The following EYS variants were observed in gnomAD, a reference collection of about 807,000 sequenced individuals.
EYS encodes the protein EGF-like photoreceptor maintenance factor.
Under a neutral mutation model 282.1 loss-of-function variants are expected in EYS, and 250 were observed. That is an observed-to-expected ratio of 0.89 (90% CI 0.80 to 0.98). The LOEUF is 0.98. Among genes scored for constraint, EYS ranks in the 50% least tolerant of loss-of-function variants. The pLI, the probability that EYS is intolerant of heterozygous loss-of-function variation, is 0.00. For missense variants in EYS, 4,016 were observed against 3,709.0 expected (o/e 1.08, Z -2.15); for synonymous variants, 1,355 against 1,282.9 (o/e 1.06, Z -1.20).
intron 35 of EYS, among the ~76,000 whole-genome samples, chr6:63,878,934 C>T (rs570825915): frequency 3.9e-5 from 6 of 152,306 alleles, no homozygotes; most frequent in South Asian, 4.1e-4. Flanking sequence ...CTGGGTGAGA[C>T]GATGCCCTGC....
At chr6:65,512,004 A>AG (rs201609464) in intron 2 of EYS, among the ~76,000 whole-genome samples, 1 of 138,428 alleles carries the variant, frequency 7.2e-6, no homozygotes, top group African/African-American at 2.6e-5. Flanking sequence ...AAAAAAAAAA[A>AG]AAAAGAAATC....
At chr6:63,814,171 C>T (rs1429834481) in intron 36 of EYS, among the ~76,000 whole-genome samples, 2 of 152,180 alleles carry the variant, frequency 1.3e-5, no homozygotes, top group Non-Finnish European at 2.9e-5. Flanking sequence ...AATACACTTT[C>T]ACACTGTTCA....
intron 30 of EYS, among the ~76,000 whole-genome samples, chr6:64,240,103 A>T (rs992329059): frequency 6.6e-6 from 1 of 152,014 alleles, no homozygotes; most frequent in African/African-American, 2.4e-5. Flanking sequence ...GTTCTGTTCC[A>T]TTGGTCTATA....
intron 30 of EYS, among the ~76,000 whole-genome samples, chr6:64,304,138 G>A (rs927716545): frequency 6.6e-6 from 1 of 152,092 alleles, no homozygotes; most frequent in Non-Finnish European, 1.5e-5. Flanking sequence ...TTTTGAGGCC[G>A]ATGCTGCAGA....
intron 24 of EYS, among the ~76,000 whole-genome samples, chr6:64,608,055 ACT>A: frequency 6.6e-6 from 1 of 152,186 alleles, no homozygotes; most frequent in Non-Finnish European, 1.5e-5. Flanking sequence ...ATTTTAAATC[ACT>A]CTAAATATTA....
At chr6:63,871,322 A>T (rs1772798190) in intron 35 of EYS, among the ~76,000 whole-genome samples, 1 of 152,136 alleles carries the variant, frequency 6.6e-6, no homozygotes, top group East Asian at 1.9e-4. Context: ...TCTGGGGAAA[A>T]TGTCTGGAGA....
At chr6:64,913,102 G>A (rs938839406) in intron 15 of EYS, among the ~76,000 whole-genome samples, 1 of 151,998 alleles carries the variant, frequency 6.6e-6, no homozygotes, top group African/African-American at 2.4e-5. Context: ...CTATTTATAA[G>A]CCTTAAATGC....
chr6:64,439,384 T>C (rs909420208), intron 26 of EYS, 32 bp from the exon 27 acceptor site: 8 of 1,373,592 alleles, frequency 5.8e-6, no homozygotes, highest in African/African-American at 1.5e-5. Flanking sequence ...ACAATTTAGG[T>C]TGAAATAAAT....
intron 18 of EYS, among the ~76,000 whole-genome samples, chr6:64,897,101 C>T (rs1767499554): frequency 6.6e-6 from 1 of 152,192 alleles, no homozygotes; most frequent in Admixed American, 6.5e-5. Context: ...AGTGCTCAAG[C>T]TCTGCTAAGG....
chr6:65,453,141 C>T (rs761760525), intron 5 of EYS, among the ~76,000 whole-genome samples: 3 of 151,934 alleles, frequency 2.0e-5, no homozygotes, highest in Non-Finnish European at 2.9e-5. Context: ...TATGTATGGG[C>T]AGGTTTATTG....
intron 22 of EYS, among the ~76,000 whole-genome samples, chr6:64,675,432 T>TTTTTTC (rs1769621210): frequency 7.1e-6 from 1 of 140,974 alleles, no homozygotes; most frequent in East Asian, 2.0e-4. Flanking sequence ...TTTTTTCTTT[T>TTTTTTC]TTTTTTTTTT....
chr6:65,280,060 T>C lies in EYS; in HGVS notation c.2023+15803A>G, dbSNP rs191801043. 2.6e-3 allele frequency among the ~76,000 whole-genome samples: 397 copies of C among 152,282 alleles called. 1 individual carries two copies. The highest frequency in any genetic ancestry group is 9.2e-3 in the African/African-American group (382 of 41,552). On this transcript the variant is annotated intron_variant, in intron 12 of 42. Transcript: ENST00000503581. ...TTGTGGTATCCTCTTATAAAGTCAC[T>C]TAATAAAGTACTGGATAAAAGAAGT...
intron 36 of EYS, among the ~76,000 whole-genome samples, chr6:63,845,984 C>T (rs921156451): frequency 1.3e-5 from 2 of 152,074 alleles, no homozygotes; most frequent in African/African-American, 2.4e-5. Flanking sequence ...CCTAAAGATG[C>T]ACTTTTCTCA....
rs576271557 is a variant in EYS, at chr6:64,027,252, G to C, written c.6726-28069C>G. ...TAAGGAGAATTAGAAAAAAGACCATGAATTATTCAATAATGTCCACCATAA... is the reference window on the plus strand; with the variant it reads ...TAAGGAGAATTAGAAAAAAGACCATCAATTATTCAATAATGTCCACCATAA... On this transcript the variant is annotated intron_variant, in intron 33 of 42. Coordinates refer to ENST00000503581, the MANE Select transcript of EYS (RefSeq NM_001142800.2). Among the ~76,000 whole-genome samples, 53 of 152,258 alleles carry C rather than the reference G, an allele frequency of 3.5e-4. 1 individual carries two copies. In the South Asian group the frequency reaches 0.011, roughly 32 times the overall value.
intron 11 of EYS, chr6:65,332,357 C>A (rs867776546): frequency 3.6e-6 from 3 of 835,020 alleles, no homozygotes; most frequent in Non-Finnish European, 6.1e-6. Flanking sequence ...CCTGGTCATG[C>A]TGTATAAACC....
chr6:64,852,292 C>T (rs1394762292), intron 19 of EYS, among the ~76,000 whole-genome samples: 1 of 152,034 alleles, frequency 6.6e-6, no homozygotes, highest in African/African-American at 2.4e-5. Flanking sequence ...GGGTGGGGAC[C>T]ATGTAATCAG....
chr6:64,046,831 A>G (rs1770642658), intron 33 of EYS, among the ~76,000 whole-genome samples: 1 of 152,212 alleles, frequency 6.6e-6, no homozygotes, highest in African/African-American at 2.4e-5. Flanking sequence ...TCCCCTAGGA[A>G]TGAGGTATAG....
chr6:65,498,133 C>T (rs1217637403), intron 2 of EYS, among the ~76,000 whole-genome samples: 1 of 151,962 alleles, frequency 6.6e-6, no homozygotes, highest in Non-Finnish European at 1.5e-5. Flanking sequence ...CCAGTTGGAG[C>T]AGTAAGACGG....
intron 26 of EYS, among the ~76,000 whole-genome samples, chr6:64,559,573 C>A (rs939603994): frequency 3.3e-5 from 5 of 151,864 alleles, no homozygotes; most frequent in African/African-American, 1.2e-4. Flanking sequence ...TCATATATTT[C>A]CCTAAAGTTT....
Sources: gnomAD v4.1 joint callset for allele counts (sites outside exome capture counted in the v4.1 genomes callset) on GRCh38, gnomAD v4.1.1 for gene constraint, MANE v1.5 for transcripts, NCBI Gene and HGNC (gene_info 2026-07-23, HGNC 2026-07-21) for gene names.